The following CDH13 variants were observed in gnomAD, a reference collection of about 807,000 sequenced individuals.
CDH13 encodes cadherin 13.
A neutral mutation model predicts 63.8 loss-of-function variants in CDH13; 24 were observed. The observed-to-expected ratio is 0.38, with a 90% CI of 0.27 to 0.53. CDH13 has a LOEUF of 0.53. Ranked by LOEUF, CDH13 falls within the 20% of genes least tolerant of loss-of-function variation. CDH13 has a pLI of 0.85. For synonymous variants in CDH13, 503 were observed against 355.3 expected (o/e 1.42, Z -4.67); for missense variants, 1,049 against 903.1 (o/e 1.16, Z -2.07).
intron 7 of CDH13, among the ~76,000 whole-genome samples, chr16:83,552,464 G>T (rs1023364091): frequency 1.3e-5 from 2 of 152,164 alleles, no homozygotes; most frequent in African/African-American, 4.8e-5. Context: ...CATCACCCTG[G>T]CATGGCCCTC....
intron 11 of CDH13, among the ~76,000 whole-genome samples, chr16:83,770,936 T>A (rs771481152): frequency 2.4e-4 from 37 of 152,290 alleles, no homozygotes; most frequent in Non-Finnish European, 4.6e-4. Context: ...CTCTGCCTCA[T>A]TTTACCCAGC....
chr16:83,600,419 A>G (rs879619558), intron 7 of CDH13, among the ~76,000 whole-genome samples: 14 of 152,162 alleles, frequency 9.2e-5, no homozygotes, highest in Admixed American at 1.3e-4. Flanking sequence ...CTCAGAAACC[A>G]CTCAGAAGTT....
chr16:83,655,589 G>A (rs1437482783), intron 8 of CDH13, among the ~76,000 whole-genome samples: 2 of 152,188 alleles, frequency 1.3e-5, no homozygotes, highest in Non-Finnish European at 2.9e-5. Context: ...AGGCAGAGAT[G>A]GGCAGATCCC....
chr16:82,888,197 A>G (rs757288838), intron 2 of CDH13, among the ~76,000 whole-genome samples: 2 of 152,184 alleles, frequency 1.3e-5, no homozygotes, highest in African/African-American at 4.8e-5. Flanking sequence ...TGTATCCTCT[A>G]TGACCTTGCC....
intron 5 of CDH13, among the ~76,000 whole-genome samples, chr16:83,264,475 GTAT>G (rs2151838980): frequency 6.6e-6 from 1 of 151,556 alleles, no homozygotes; most frequent in East Asian, 1.9e-4. Context: ...TGTATATATA[GTAT>G]TTGTGTGTGT....
intron 6 of CDH13, among the ~76,000 whole-genome samples, chr16:83,346,927 T>G (rs549340000): frequency 4.6e-5 from 7 of 152,308 alleles, no homozygotes; most frequent in African/African-American, 1.7e-4. Flanking sequence ...TATTATCCTA[T>G]AAAAATACAT....
chr16:83,230,083 C>T (rs1201003051), intron 5 of CDH13, among the ~76,000 whole-genome samples: 1 of 152,158 alleles, frequency 6.6e-6, no homozygotes, highest in Non-Finnish European at 1.5e-5. Context: ...AGACCCACAG[C>T]AGAGGTCTTG....
At chr16:83,042,650 G>C (rs528668695) in intron 3 of CDH13, among the ~76,000 whole-genome samples, 72 of 152,142 alleles carry the variant, frequency 4.7e-4, no homozygotes, top group Non-Finnish European at 9.7e-4. Context: ...TCCATGAAAC[G>C]GGTCTGTGGT....
At chr16:82,700,825 C>T (rs571474883) in intron 1 of CDH13, among the ~76,000 whole-genome samples, 111 of 152,002 alleles carry the variant, frequency 7.3e-4, no homozygotes, top group Admixed American at 1.4e-3. Flanking sequence ...GTTGTGTTTT[C>T]TATATAGCCG....
intron 1 of CDH13, among the ~76,000 whole-genome samples, chr16:82,662,830 T>C (rs1912120343): frequency 6.6e-6 from 1 of 152,146 alleles, no homozygotes; most frequent in South Asian, 2.1e-4. Context: ...AATGAGAAGA[T>C]GTCCTCCAGG....
At chr16:82,953,086 T>C (rs1273251504) in intron 2 of CDH13, 1 of 152,236 alleles carries the variant, frequency 6.6e-6, no homozygotes, top group Non-Finnish European at 1.5e-5. Context: ...TGCTTATTTC[T>C]TTCTCCTTCT....
intron 4 of CDH13, among the ~76,000 whole-genome samples, chr16:83,172,604 A>G (rs2151731065): frequency 6.6e-6 from 1 of 152,172 alleles, no homozygotes; most frequent in Admixed American, 6.6e-5. Flanking sequence ...AAAATCCATG[A>G]GAAGCTAGGA....
intron 3 of CDH13, among the ~76,000 whole-genome samples, chr16:83,045,649 A>G (rs934463658): frequency 1.7e-4 from 26 of 151,508 alleles, no homozygotes; most frequent in African/African-American, 5.3e-4. Context: ...AAAAAAAAAA[A>G]AAAAAAAAAA....
intron 1 of CDH13, among the ~76,000 whole-genome samples, chr16:82,795,059 A>C (rs542963989): frequency 2.2e-4 from 33 of 152,284 alleles, no homozygotes; most frequent in African/African-American, 7.9e-4. Context: ...AGTCTCATTC[A>C]TGATGTTTGC....
chr16:83,094,863 C>A (rs942471565), intron 3 of CDH13, among the ~76,000 whole-genome samples: 1 of 152,112 alleles, frequency 6.6e-6, no homozygotes, highest in East Asian at 1.9e-4. Flanking sequence ...ATATAGATAC[C>A]TACTTTTTAA....
chr16:82,655,991 C>T lies in CDH13; in HGVS notation c.45+28854C>T, dbSNP rs572532317. Reference sequence around the variant, plus strand: ...CTTGAACCAGTGGCATGTCTCAGGACAGTGTGAGAGACAGAAACTTCAGCT... The same window carrying T: ...CTTGAACCAGTGGCATGTCTCAGGATAGTGTGAGAGACAGAAACTTCAGCT... On this transcript the variant is annotated intron_variant, in intron 1 of 13. Coordinates refer to ENST00000567109, the MANE Select transcript of CDH13 (RefSeq NM_001257.5). Among the ~76,000 whole-genome samples, 144 of 151,870 alleles carry T rather than the reference C, an allele frequency of 9.5e-4. 3 individuals carry two copies. Among genetic ancestry groups the T allele is most frequent in the Non-Finnish European group, 1.9e-3 (126 of 67,998 alleles).
At chr16:83,413,731 T>C (rs2092160401) in intron 6 of CDH13, among the ~76,000 whole-genome samples, 1 of 152,150 alleles carries the variant, frequency 6.6e-6, no homozygotes, top group Admixed American at 6.6e-5. Flanking sequence ...CTCATGCCTG[T>C]AATCTCAGCA....
chr16:83,252,138 GTATA>G (rs59872467), intron 5 of CDH13, among the ~76,000 whole-genome samples: 1 of 121,024 alleles, frequency 8.3e-6, no homozygotes, highest in African/African-American at 2.8e-5. Context: ...ACATATATAT[GTATA>G]TATATATATA....
chr16:82,861,198 G>T (rs905835246), intron 2 of CDH13, among the ~76,000 whole-genome samples: 6 of 152,190 alleles, frequency 3.9e-5, no homozygotes, highest in African/African-American at 1.2e-4. Context: ...ATATAGGTCA[G>T]TGTTGTACAC....
Sources: gnomAD v4.1 joint callset for allele counts (sites outside exome capture counted in the v4.1 genomes callset) on GRCh38, gnomAD v4.1.1 for gene constraint, MANE v1.5 for transcripts, NCBI Gene and HGNC (gene_info 2026-07-23, HGNC 2026-07-21) for gene names.